WAPL: variants seen among roughly 807,000 people sequenced by gnomAD.
The protein encoded by WAPL is wings apart-like protein homolog.
In WAPL, 5 loss-of-function variants were observed where a neutral mutation model predicts 121.0. The ratio of observed to expected loss-of-function variants is 0.04; its 90% confidence interval spans 0.02 to 0.09. The LOEUF is 0.09. WAPL is among the 10% of genes least tolerant of loss of function. The pLI, the probability that WAPL is intolerant of heterozygous loss-of-function variation, is 1.00. For synonymous variants in WAPL, 480 were observed against 481.5 expected (o/e 1.00, Z 0.04); for missense variants, 999 against 1,410.8 (o/e 0.71, Z 4.68).
chr10:86,446,567 A>C, intron 15 of WAPL, 118 bp from the exon 16 acceptor site: 1 of 1,158,298 alleles, frequency 8.6e-7, no homozygotes, highest in Non-Finnish European at 1.2e-6. Context: ...TGGTTATGTG[A>C]TAAAAAGAGG....
intron 2 of WAPL, among the ~76,000 whole-genome samples, chr10:86,508,436 G>A (rs1404606402): frequency 2.0e-5 from 3 of 151,920 alleles, no homozygotes; most frequent in East Asian, 1.9e-4. Flanking sequence ...AAACCATCTA[G>A]AATCCCTCAC....
At chr10:86,437,804 T>C in intron 18 of WAPL, 116 bp downstream of exon 18, 1 of 1,001,008 alleles carries the variant, frequency 1.0e-6, no homozygotes, top group Non-Finnish European at 1.5e-6. Flanking sequence ...ACACGATTAT[T>C]AAAATTAAAA....
chr10:86,464,118 A>G (rs1018988119), intron 9 of WAPL, among the ~76,000 whole-genome samples: 2 of 152,254 alleles, frequency 1.3e-5, no homozygotes, highest in African/African-American at 4.8e-5. Context: ...CAAGAAATTA[A>G]GCAACTAGTA....
intron 4 of WAPL, among the ~76,000 whole-genome samples, chr10:86,481,949 T>G (rs1380697655): frequency 6.6e-6 from 1 of 151,730 alleles, no homozygotes; most frequent in East Asian, 1.9e-4. Flanking sequence ...GCAAACACTG[T>G]GAAGAGAAGC....
intron 9 of WAPL, among the ~76,000 whole-genome samples, chr10:86,465,813 A>G (rs1183534956): frequency 6.6e-6 from 1 of 151,992 alleles, no homozygotes; most frequent in African/African-American, 2.4e-5. Flanking sequence ...GCTTCCTTGG[A>G]CTCTGGAGGT....
At chr10:86,486,563 C>T (rs1347776437) in intron 4 of WAPL, among the ~76,000 whole-genome samples, 1 of 152,058 alleles carries the variant, frequency 6.6e-6, no homozygotes, top group African/African-American at 2.4e-5. Context: ...TATTGAAGGA[C>T]AGATGGGAAG....
chr10:86,452,074 C>T lies in WAPL; in HGVS notation c.3007G>A (p.Val1003Ile). ...AAAGAGCACGATGTTTCCATGTTGA[C>T]AAGACAGTGCCGATTCCGAGCACTA... ...EYSARNRHCL[V>I]NMETSCSFDS... Residue 1003 changes from valine (V) to isoleucine (I), a missense_variant, in exon 15 of 19, where the codon GTC becomes ATC. Val to Ile is a conservative substitution (Grantham distance 29). Transcript: ENST00000298767. 1 of 1,614,122 alleles carries T rather than the reference C, an allele frequency of 6.2e-7. No homozygotes were observed. The highest frequency in any genetic ancestry group is 8.5e-7 in the Non-Finnish European group (1 of 1,180,024).
chr10:86,490,087 G>A (rs141213519), intron 4 of WAPL, among the ~76,000 whole-genome samples: 11,349 of 151,828 alleles, frequency 0.075, 461 homozygotes, highest in Middle Eastern at 0.14. Flanking sequence ...GGTGGTGCAC[G>A]TCTGTAATCC....
chr10:86,457,046 T>C (rs1398903446), intron 12 of WAPL, among the ~76,000 whole-genome samples: 2 of 152,156 alleles, frequency 1.3e-5, no homozygotes, highest in Non-Finnish European at 2.9e-5. Context: ...TTATGAAGTA[T>C]ACAAAAGAGA....
At position 86,491,040 on chromosome 10, in the gene WAPL, G is replaced by A. The variant is rs537923983; in HGVS notation, c.1644+6161C>T. Among the ~76,000 whole-genome samples, 163 of 151,560 alleles carry A rather than the reference G, an allele frequency of 1.1e-3. 3 individuals are homozygous for A. In the South Asian group the frequency reaches 0.033, roughly 31 times the overall value. Reference sequence around the variant, plus strand: ...ATCATGCCACCGCACTCCAGCCTGGGTGACAGAGCAAGACTCTGTCTTAAA... The same window carrying A: ...ATCATGCCACCGCACTCCAGCCTGGATGACAGAGCAAGACTCTGTCTTAAA... On this transcript the variant is annotated intron_variant, in intron 4 of 18. Coordinates refer to ENST00000298767, the MANE Select transcript of WAPL (RefSeq NM_015045.5).
intron 2 of WAPL, among the ~76,000 whole-genome samples, chr10:86,504,086 A>G (rs1842297586): frequency 6.6e-6 from 1 of 152,138 alleles, no homozygotes; most frequent in South Asian, 2.1e-4. Flanking sequence ...AGGCACAAGA[A>G]TTGTTTGAAC....
chr10:86,506,963 A>T, intron 2 of WAPL, among the ~76,000 whole-genome samples: 1 of 150,612 alleles, frequency 6.6e-6, no homozygotes, highest in South Asian at 2.1e-4. Flanking sequence ...TTACTCCTCC[A>T]CCCTGTTATA....
intron 3 of WAPL, among the ~76,000 whole-genome samples, chr10:86,499,031 A>G (rs1564584063): frequency 1.3e-5 from 2 of 152,220 alleles, no homozygotes; most frequent in South Asian, 4.1e-4. Context: ...TGTTATCAGT[A>G]CAGTTCCAAA....
At chr10:86,479,227 GA>G in intron 4 of WAPL, among the ~76,000 whole-genome samples, 1 of 152,046 alleles carries the variant, frequency 6.6e-6, no homozygotes, top group Non-Finnish European at 1.5e-5. Flanking sequence ...TAAAAGCCAG[GA>G]AAAAAAGGAA....
intron 4 of WAPL, among the ~76,000 whole-genome samples, chr10:86,475,917 A>C (rs1841640001): frequency 6.6e-6 from 1 of 152,254 alleles, no homozygotes; most frequent in Non-Finnish European, 1.5e-5. Context: ...ACAGTGGCTC[A>C]TGCCAGTAAT....
intron 4 of WAPL, among the ~76,000 whole-genome samples, chr10:86,474,251 C>A (rs1484684742): frequency 6.6e-6 from 1 of 152,126 alleles, no homozygotes; most frequent in Non-Finnish European, 1.5e-5. Flanking sequence ...TGGTGGCTCA[C>A]ACCTGCAATC....
chr10:86,514,332 A>G (rs375750688), intron 2 of WAPL, among the ~76,000 whole-genome samples: 11 of 152,350 alleles, frequency 7.2e-5, no homozygotes, highest in African/African-American at 2.4e-4. Flanking sequence ...TAGAGACAGG[A>G]TAAGTCTACC....
chr10:86,456,763 C>T (rs1039065546), intron 12 of WAPL, among the ~76,000 whole-genome samples: 2 of 152,186 alleles, frequency 1.3e-5, no homozygotes, highest in African/African-American at 4.8e-5. Flanking sequence ...CATACTGTCA[C>T]TGGTAACTCA....
intron 1 of WAPL, among the ~76,000 whole-genome samples, chr10:86,519,427 C>T (rs78114068): frequency 0.08 from 12,104 of 152,214 alleles, 856 homozygotes; most frequent in East Asian, 0.37. Flanking sequence ...CTTGTTTTCC[C>T]TTGATTAACT....
Sources: allele counts gnomAD v4.1 joint callset (sites outside exome capture counted in the v4.1 genomes callset), GRCh38; gene constraint gnomAD v4.1.1; transcripts MANE v1.5; gene names NCBI Gene and HGNC (gene_info 2026-07-23, HGNC 2026-07-21).